The following RTEL1 variants were observed in gnomAD, a reference collection of about 807,000 sequenced individuals.
RTEL1 encodes the protein regulator of telomere elongation helicase 1, also known as regulator of telomere length.
RTEL1 carries 86 observed loss-of-function variants against 162.2 expected under a neutral mutation model. The observed-to-expected ratio is 0.53, with a 90% CI of 0.45 to 0.63. The LOEUF is 0.63. Among genes scored for constraint, RTEL1 ranks in the 30% least tolerant of loss-of-function variants. The pLI is 0.00. For missense variants in RTEL1, 1,941 were observed against 1,750.2 expected (o/e 1.11, Z -1.95); for synonymous variants, 958 against 717.9 (o/e 1.33, Z -5.35).
chr20:63,692,503 G>A (rs984934385), intron 28 of RTEL1: 3 of 468,112 alleles, frequency 6.4e-6, no homozygotes, highest in Middle Eastern at 5.9e-4. Flanking sequence ...CTTGAGGGAG[G>A]AGGAGAGAGA....
rs2090421193 is a variant in RTEL1 at position 63,678,756 on chromosome 20, G to GCACACTCTCCCACGGAACA, written c.1037+410_1037+411insCACACTCTCCCACGGAACA. ...GGAACGGCACACACTCCCACGGAAC[G>GCACACTCTCCCACGGAACA]GCACACTCTCCCACGGAACAGCACA... On this transcript the variant is annotated intron_variant, in intron 12 of 34. Transcript: ENST00000360203. Among the ~76,000 whole-genome samples the GCACACTCTCCCACGGAACA allele has an allele frequency of 2.1e-5, 2 of 94,954 alleles. 1 individual carries two copies. The highest frequency in any genetic ancestry group is 4.1e-5 in the Non-Finnish European group (2 of 48,760). The allele number at this position is 94,954 out of a possible 152,430, so 62.3% of individuals were successfully genotyped here. A position where few individuals can be genotyped will look rare whatever the true frequency, so the allele number is the denominator to read the frequency against.
chr20:63,667,412 C>A, intron 7 of RTEL1, 57 bp from the exon 8 acceptor site: 1 of 1,399,782 alleles, frequency 7.1e-7, no homozygotes, highest in Admixed American at 1.7e-5. Context: ...ATGGCGGCCT[C>A]GGGGCACCGT....
Position 63,693,018 on chromosome 20 carries a change from AG to A in RTEL1, c.2851+16del, listed in dbSNP as rs2090793586. 7 of 1,612,074 alleles carry A rather than the reference AG, an allele frequency of 4.3e-6. No individual in the cohort carries two copies. The highest frequency in any genetic ancestry group is 1.7e-5 in the Admixed American group (1 of 59,984). On this transcript the variant is annotated intron_variant, in intron 29 of 34. Transcript: ENST00000360203. ...CCTGCTCCAAGGTGCCCTGGCTTGCAGAGGCCACCCACCCTGAGGGCAGTGC... is the reference window on the plus strand; with the variant it reads ...CCTGCTCCAAGGTGCCCTGGCTTGCAAGGCCACCCACCCTGAGGGCAGTGC...
intron 10 of RTEL1, among the ~76,000 whole-genome samples, chr20:63,674,747 C>T (rs993458599): frequency 2.6e-5 from 4 of 151,882 alleles, no homozygotes; most frequent in African/African-American, 9.7e-5. Context: ...GGGCATTTTG[C>T]ATCTTTAAAT....
rs2145421207 is a variant in RTEL1 at position 63,688,058 on chromosome 20, C to T, written c.1595+8C>T. On this transcript the variant is annotated splice_region_variant and intron_variant, in intron 18 of 34. Coordinates refer to ENST00000360203, the MANE Select transcript of RTEL1 (RefSeq NM_001283009.2). ...CTCCGCGTTTGACAGACGGTGAGGG[C>T]CTGTCCCTGGGCCCTGCTGGGGTGG... 1 of 1,612,248 alleles carries T rather than the reference C, an allele frequency of 6.2e-7. No homozygotes were observed. Among genetic ancestry groups the T allele is most frequent in the Non-Finnish European group, 8.5e-7 (1 of 1,179,548 alleles).
chr20:63,694,595 CT>C, intron 31 of RTEL1, 107 bp downstream of exon 31: 1 of 1,238,584 alleles, frequency 8.1e-7, no homozygotes, highest in South Asian at 1.4e-5. Context: ...GGGGAGCCAT[CT>C]CATGGTGGGG....
intron 8 of RTEL1, 120 bp downstream of exon 8, chr20:63,667,673 AC>A: frequency 1.2e-6 from 1 of 803,844 alleles, no homozygotes; most frequent in Non-Finnish European, 2.1e-6. Context: ...GGGTGGGAGG[AC>A]TCACCTCTGT....
chr20:63,672,118 GTGATCC>G (rs2090255244), intron 8 of RTEL1, among the ~76,000 whole-genome samples: 1 of 151,726 alleles, frequency 6.6e-6, no homozygotes, highest in Non-Finnish European at 1.5e-5. Context: ...TCCTGACCTC[GTGATCC>G]GCCCGCCTCG....
At chr20:63,692,557 C>T in intron 28 of RTEL1, 3 of 570,392 alleles carry the variant, frequency 5.3e-6, no homozygotes, top group Admixed American at 3.0e-5. Context: ...CCAATCTACC[C>T]TTTGCCCATT....
chr20:63,659,449 A>C lies in RTEL1; in HGVS notation c.47A>C (p.Gln16Pro), dbSNP rs748145576. 1 of 1,613,978 alleles carries C rather than the reference A, an allele frequency of 6.2e-7. No homozygotes were observed. ...GGTGTGACCGTAGACTTCCCTTTCC[A>C]GCCCTACAAATGCCAACAGGAGTAC... ...LNGVTVDFPF[Q>P]PYKCQQEYMT... is the part of the protein sequence containing the mutation. Residue 16 changes from glutamine (Q) to proline (P), a missense_variant, in exon 2 of 35, where the codon CAG becomes CCG. Coordinates refer to ENST00000360203, the MANE Select transcript of RTEL1 (RefSeq NM_001283009.2).
chr20:63,676,794 G>A (rs1601127605), intron 10 of RTEL1, among the ~76,000 whole-genome samples: 2 of 152,288 alleles, frequency 1.3e-5, no homozygotes, highest in South Asian at 4.1e-4. Context: ...AATTAGCCAG[G>A]TGTGGTGGTG....
At chr20:63,691,027 C>G in intron 27 of RTEL1, 80 bp downstream of exon 27, 2 of 1,362,756 alleles carry the variant, frequency 1.5e-6, no homozygotes, top group Non-Finnish European at 2.0e-6. Flanking sequence ...TGGCCTCAGG[C>G]ACCTCCCCAC....
rs780049008 is a variant in RTEL1 at position 63,685,809 on chromosome 20, G to A, written c.1285G>A (p.Ala429Thr). Reference sequence around the variant, plus strand: ...CCTCCAGGTGCACATCCATCCTGATGCTGGTCACCGGAGGACGGCTCAGCG... The same window carrying A: ...CCTCCAGGTGCACATCCATCCTGATACTGGTCACCGGAGGACGGCTCAGCG... ...QSYKVHIHPDAGHRRTAQRSD... is the reference protein window; with the variant it reads ...QSYKVHIHPDTGHRRTAQRSD... Residue 429 changes from alanine to threonine, a missense_variant, in exon 16 of 35, where the codon GCT becomes ACT. Physicochemically the swap from Ala to Thr is moderately conservative, Grantham distance 58 (BLOSUM62 0). Coordinates refer to ENST00000360203, the MANE Select transcript of RTEL1 (RefSeq NM_001283009.2). 2 of 1,612,460 alleles carry A rather than the reference G, an allele frequency of 1.2e-6. No homozygotes were observed. Among genetic ancestry groups the A allele is most frequent in the East Asian group, 2.2e-5 (1 of 44,884 alleles).
Position 63,694,406 on chromosome 20 carries a change from C to A in RTEL1, c.3027C>A (p.Ser1009=). Residue 1009 remains serine, a synonymous_variant, in exon 31 of 35, where the codon TCC becomes TCA. Coordinates refer to ENST00000360203, the MANE Select transcript of RTEL1 (RefSeq NM_001283009.2). ...CGCCGGATCCCAAGCTGACCGTGTC[C>A]ACGGCTGCAGCCCAGCAGCTGGACC... is the stretch of plus-strand genomic sequence containing the variant. ...RTAPDPKLTV[S]TAAAQQLDPQ... is the part of the protein sequence containing the mutation. 1 of 1,612,458 alleles carries A rather than the reference C, an allele frequency of 6.2e-7. No individual in the cohort carries two copies. Among genetic ancestry groups the A allele is most frequent in the Non-Finnish European group, 8.5e-7 (1 of 1,179,706 alleles).
chr20:63,691,701 G>T (rs761439936), intron 27 of RTEL1, 41 bp from the exon 28 acceptor site: 11 of 1,530,240 alleles, frequency 7.2e-6, no homozygotes, highest in South Asian at 1.1e-5. Context: ...CAGAGTGTGT[G>T]GTTGGGGTCT....
chr20:63,674,678 C>T (rs1319395105), intron 10 of RTEL1, among the ~76,000 whole-genome samples: 17 of 148,710 alleles, frequency 1.1e-4, no homozygotes, highest in East Asian at 2.0e-4. Context: ...CCAGCCTGGG[C>T]GGCAGAGTGA....
chr20:63,687,411 C>T, intron 16 of RTEL1: 1 of 542,710 alleles, frequency 1.8e-6, no homozygotes, highest in Non-Finnish European at 3.2e-6. Context: ...CTGGGGTCTG[C>T]CTCCTACTCC....
intron 13 of RTEL1, 121 bp from the exon 14 acceptor site, chr20:63,680,543 C>G (rs1178489362): frequency 6.7e-6 from 7 of 1,042,406 alleles, no homozygotes; most frequent in Non-Finnish European, 1.0e-5. Context: ...CCTGGGCCCC[C>G]CATTGGGCAG....
At chr20:63,694,349 G>A (rs568703246) in intron 30 of RTEL1, 23 bp from the exon 31 acceptor site, 2 of 1,184,470 alleles carry the variant, frequency 1.7e-6, no homozygotes, top group South Asian at 1.2e-5. Flanking sequence ...GACCAGCTTT[G>A]TGGCTCTACA....
Sources: allele counts gnomAD v4.1 joint callset (sites outside exome capture counted in the v4.1 genomes callset), GRCh38; gene constraint gnomAD v4.1.1; transcripts MANE v1.5; gene names NCBI Gene and HGNC (gene_info 2026-07-23, HGNC 2026-07-21).